Variants in SGIP1 observed in about 807,000 individuals in gnomAD.
The protein encoded by SGIP1 is SH3GL interacting endocytic adaptor 1, also known as SH3-containing GRB2-like protein 3-interacting protein 1.
A neutral mutation model predicts 107.5 loss-of-function variants in SGIP1; 38 were observed. The observed-to-expected ratio is 0.35, with a 90% CI of 0.27 to 0.46. SGIP1 has a LOEUF of 0.46. Among genes scored for constraint, SGIP1 ranks in the 20% least tolerant of loss-of-function variants. The probability of loss-of-function intolerance (pLI) is 1.00; values close to 1 mark genes in which losing one functional copy is unlikely to be tolerated. For missense variants in SGIP1, 929 were observed against 1,019.5 expected (o/e 0.91, Z 1.21); for synonymous variants, 365 against 366.1 (o/e 1.00, Z 0.03).
intron 1 of SGIP1, among the ~76,000 whole-genome samples, chr1:66,535,141 T>C (rs1172843283): frequency 6.6e-6 from 1 of 152,212 alleles, no homozygotes; most frequent in Non-Finnish European, 1.5e-5. Context: ...ATTTAAACTA[T>C]ATTTTATTCT....
intron 15 of SGIP1, among the ~76,000 whole-genome samples, chr1:66,686,808 T>G (rs189808023): frequency 6.6e-6 from 1 of 152,260 alleles, no homozygotes; most frequent in Non-Finnish European, 1.5e-5. Flanking sequence ...AACTTTTCAA[T>G]GAACAACGAA....
At chr1:66,668,335 C>T (rs1245827731) in intron 9 of SGIP1, among the ~76,000 whole-genome samples, 2 of 151,998 alleles carry the variant, frequency 1.3e-5, no homozygotes, top group African/African-American at 2.4e-5. Flanking sequence ...GGATTACAGG[C>T]GCCTGCCACC....
chr1:66,619,418 G>A (rs6699133), intron 1 of SGIP1, among the ~76,000 whole-genome samples: 3,317 of 152,318 alleles, frequency 0.022, 113 homozygotes, highest in African/African-American at 0.073. Context: ...CGCAGGCTCC[G>A]CCTGCCCCAG....
At chr1:66,716,189 G>A (rs992391096) in intron 18 of SGIP1, among the ~76,000 whole-genome samples, 1 of 152,076 alleles carries the variant, frequency 6.6e-6, no homozygotes, top group Non-Finnish European at 1.5e-5. Context: ...AGCCACCAAA[G>A]AGCCCAGACT....
Position 66,642,848 on chromosome 1 carries a change from A to G in SGIP1, c.267A>G (p.Arg89=), listed in dbSNP as rs760142760. The G allele has an allele frequency of 3.1e-6, 5 of 1,612,360 alleles. No homozygotes were observed. The South Asian group carries it at 5.5e-5, about 18-fold the overall frequency. The change falls in exon 6 of 25, where the codon AGA becomes AGG. Residue 89 remains arginine (R), a synonymous_variant. Coordinates refer to ENST00000371037, the MANE Select transcript of SGIP1 (RefSeq NM_032291.4). ...PELDEEGYSI[R]PEEPGSTKGK... ...TGGATGAAGAAGGCTACAGCATCAGACCCGAGGAACCCGGCTATATCCTTT... is the reference window on the plus strand; with the variant it reads ...TGGATGAAGAAGGCTACAGCATCAGGCCCGAGGAACCCGGCTATATCCTTT...
intron 19 of SGIP1, among the ~76,000 whole-genome samples, chr1:66,719,811 A>G (rs975975139): frequency 1.3e-5 from 2 of 152,204 alleles, no homozygotes; most frequent in Admixed American, 1.3e-4. Flanking sequence ...TCACCCACAT[A>G]TAAATTAAAA....
chr1:66,573,554 T>C (rs904401838), intron 1 of SGIP1, among the ~76,000 whole-genome samples: 3 of 152,150 alleles, frequency 2.0e-5, no homozygotes, highest in Non-Finnish European at 4.4e-5. Context: ...GTGGTACATA[T>C]ACACTATTGA....
chr1:66,624,527 C>T (rs1374873124), intron 1 of SGIP1, among the ~76,000 whole-genome samples: 4 of 152,218 alleles, frequency 2.6e-5, no homozygotes. Context: ...CAAAATTAGA[C>T]AGAACAGAGA....
intron 18 of SGIP1, among the ~76,000 whole-genome samples, chr1:66,711,781 G>A (rs1165242042): frequency 6.6e-6 from 1 of 152,106 alleles, no homozygotes; most frequent in Non-Finnish European, 1.5e-5. Flanking sequence ...CTCTCCTGCT[G>A]CCCATGCTTC....
intron 1 of SGIP1, among the ~76,000 whole-genome samples, chr1:66,599,932 C>T (rs2065447679): frequency 6.6e-6 from 1 of 152,158 alleles, no homozygotes; most frequent in Non-Finnish European, 1.5e-5. Context: ...TTCCCTTCAG[C>T]CTTCACAGAA....
At chr1:66,637,793 GTGTGTGTATGTA>G (rs755238143) in intron 4 of SGIP1, among the ~76,000 whole-genome samples, 3 of 150,030 alleles carry the variant, frequency 2.0e-5, no homozygotes, top group African/African-American at 7.3e-5. Flanking sequence ...ATATATGCAT[GTGTGTGTATGTA>G]TGTGTGTATG....
intron 7 of SGIP1, among the ~76,000 whole-genome samples, chr1:66,656,275 C>T (rs867477350): frequency 6.6e-5 from 10 of 152,332 alleles, no homozygotes; most frequent in South Asian, 6.2e-4. Context: ...CTGTCACCTC[C>T]TCTGGTGACA....
intron 1 of SGIP1, among the ~76,000 whole-genome samples, chr1:66,546,874 G>A (rs2056499674): frequency 6.6e-6 from 1 of 152,130 alleles, no homozygotes; most frequent in African/African-American, 2.4e-5. Context: ...GATTTGGAGT[G>A]TCCTTTCTGC....
At chr1:66,684,318 A>T in intron 15 of SGIP1, 1 of 1,354,640 alleles carries the variant, frequency 7.4e-7, no homozygotes, top group South Asian at 1.4e-5. Context: ...CATCGACAAG[A>T]TCACCAAAAG....
At chr1:66,544,999 C>T (rs1237697526) in intron 1 of SGIP1, among the ~76,000 whole-genome samples, 2 of 152,104 alleles carry the variant, frequency 1.3e-5, no homozygotes, top group Non-Finnish European at 2.9e-5. Context: ...CCTTCCTGTC[C>T]TACATCAGTA....
chr1:66,679,604 C>T (rs2086201410), intron 13 of SGIP1, 74 bp from the exon 14 acceptor site: 23 of 1,467,284 alleles, frequency 1.6e-5, no homozygotes, highest in Admixed American at 1.1e-4. Flanking sequence ...AGCCCAAATC[C>T]TGCTTATTTA....
intron 1 of SGIP1, among the ~76,000 whole-genome samples, chr1:66,621,942 A>G (rs565149032): frequency 4.6e-5 from 7 of 152,206 alleles, no homozygotes; most frequent in Non-Finnish European, 1.0e-4. Context: ...TTTATTACAT[A>G]TGTATTAAAA....
At chr1:66,687,364 T>C (rs2088644270) in intron 15 of SGIP1, among the ~76,000 whole-genome samples, 1 of 151,912 alleles carries the variant, frequency 6.6e-6, no homozygotes, top group African/African-American at 2.4e-5. Context: ...TGCTGTTACT[T>C]CCGTCTTCTG....
Position 66,589,210 on chromosome 1 carries a change from A to ATGTGTGTGTGTGTGTGTGTGTG in SGIP1, c.11-36636_11-36635insGTGTGTGTGTGTGTGTGTGTGT, listed in dbSNP as rs1351093715. ...TATATATATATATATATATATATAT[A>ATGTGTGTGTGTGTGTGTGTGTG]TATATATGTAAGGCTTGGGGTAAAG... On this transcript the variant is annotated intron_variant, in intron 1 of 24. Transcript: ENST00000371037. Among the ~76,000 whole-genome samples the ATGTGTGTGTGTGTGTGTGTGTG allele has an allele frequency of 9.3e-4, 64 of 69,008 alleles. 1 individual carries two copies. The highest frequency in any genetic ancestry group is 1.5e-3 in the Admixed American group (9 of 5,928). The allele number at this position is 69,008 out of a possible 152,430, so 45.3% of individuals were successfully genotyped here.
Sources: allele counts gnomAD v4.1 joint callset (sites outside exome capture counted in the v4.1 genomes callset), GRCh38; gene constraint gnomAD v4.1.1; transcripts MANE v1.5; gene names NCBI Gene and HGNC (gene_info 2026-07-23, HGNC 2026-07-21).